Variants in PSMA7 observed in about 807,000 individuals in gnomAD.
The protein encoded by PSMA7 is proteasome subunit alpha type-7.
In PSMA7, 5 loss-of-function variants were observed where a neutral mutation model predicts 31.3. The ratio of observed to expected loss-of-function variants is 0.16; its 90% confidence interval spans 0.08 to 0.34. The LOEUF (loss-of-function observed/expected upper bound fraction) is 0.34. PSMA7 is among the 10% of genes least tolerant of loss of function. The pLI is 1.00. For synonymous variants in PSMA7, 155 were observed against 121.9 expected (o/e 1.27, Z -1.79); for missense variants, 217 against 327.5 (o/e 0.66, Z 2.60).
chr20:62,138,026 T>G (rs577910812), intron 5 of PSMA7, 145 bp downstream of exon 5: 2 of 1,106,368 alleles, frequency 1.8e-6, no homozygotes, highest in African/African-American at 3.1e-5. Flanking sequence ...GGATACACCA[T>G]AGACCAGAGC....
chr20:62,136,927 T>C lies in PSMA7; in HGVS notation c.677A>G (p.Glu226Gly). ...SLKILNPEEI[E>G]KYVAEIEKEK... ...TTTTTCAATTTCAGCAACATACTTC[T>C]CAATTTCTTCAGGATTTAAAATCTA... The change falls in exon 7 of 7, where the codon GAG (glutamate) becomes GGG (glycine). Residue 226 changes from glutamate (E) to glycine (G), a missense_variant. By Grantham distance (98) the Glu-to-Gly change is moderately conservative (BLOSUM62 -2). Around this residue, in one of 3 missense-constraint regions of PSMA7, gnomAD observed 88 missense variants for 111.6 expected, o/e 0.79. Coordinates refer to ENST00000370873, the MANE Select transcript of PSMA7 (RefSeq NM_002792.4). 1.9e-6 allele frequency: 3 copies of C among 1,601,370 alleles called. No individual in the cohort carries two copies. In the South Asian group the frequency reaches 3.4e-5, roughly 18 times the overall value.
intron 1 of PSMA7, 146 bp downstream of exon 1, chr20:62,143,062 C>G (rs1164402966): frequency 1.9e-5 from 5 of 267,574 alleles, no homozygotes; most frequent in Non-Finnish European, 2.9e-5. Flanking sequence ...GGGGCCCGCG[C>G]TCAGCTACAG....
intron 1 of PSMA7, among the ~76,000 whole-genome samples, chr20:62,141,635 C>G (rs562806505): frequency 6.6e-6 from 1 of 152,352 alleles, no homozygotes; most frequent in Non-Finnish European, 1.5e-5. Flanking sequence ...AAGCCTGAGA[C>G]TTTCACTCAA....
In PSMA7 at chr20:62,139,155, C is replaced by T. The variant is rs748394403; in HGVS notation, c.391G>A (p.Ala131Thr). The change falls in exon 4 of 7, where the codon GCC becomes ACC. Residue 131 changes from alanine to threonine, a missense_variant. Ala to Thr is a moderately conservative substitution (Grantham distance 58, BLOSUM62 0). Transcript: ENST00000370873. ...SNGRRPFGIS[A>T]LIVGFDFDGT... ...TCAAAGTCGAAACCCACGATGAGGG[C>T]AGAGATGCCAAACGGCCTGCGCCCA... 6.2e-7 allele frequency: 1 copy of T among 1,614,088 alleles called. No homozygotes were observed. The highest frequency in any genetic ancestry group is 1.3e-5 in the African/African-American group (1 of 74,946).
rs1443332352 is a variant in PSMA7 at position 62,139,215 on chromosome 20, A to G, written c.349-18T>C. 1 of 1,607,890 alleles carries G rather than the reference A, an allele frequency of 6.2e-7. No homozygotes were observed. Among genetic ancestry groups the G allele is most frequent in the Non-Finnish European group, 8.5e-7 (1 of 1,175,738 alleles). On this transcript the variant is annotated intron_variant, in intron 3 of 6. Coordinates refer to ENST00000370873, the MANE Select transcript of PSMA7 (RefSeq NM_002792.4). The stretch of plus-strand genomic sequence containing the variant: ...GTATAACGCTAGCAAGAAAAGAAAC[A>G]GGTCAGTGCCATCCAATTAAGAAAC...
intron 1 of PSMA7, among the ~76,000 whole-genome samples, chr20:62,141,357 G>A (rs893240798): frequency 2.4e-4 from 37 of 152,262 alleles, no homozygotes; most frequent in Admixed American, 1.4e-3. Flanking sequence ...TACGTACTCC[G>A]GGTAGCAGCT....
intron 5 of PSMA7, 43 bp from the exon 6 acceptor site, chr20:62,137,469 T>C: frequency 1.3e-6 from 2 of 1,594,424 alleles, no homozygotes; most frequent in South Asian, 1.1e-5. Flanking sequence ...CCTTTCCCTA[T>C]TCAAGACAAA....
chr20:62,140,000 C>G (rs1235839160), intron 2 of PSMA7, 95 bp from the exon 3 acceptor site: 2 of 1,451,358 alleles, frequency 1.4e-6, no homozygotes, highest in Non-Finnish European at 1.8e-6. Context: ...TTCCACAGAC[C>G]CCCCAAACCG....
intron 3 of PSMA7, 75 bp from the exon 4 acceptor site, chr20:62,139,272 G>A (rs2056913156): frequency 1.3e-6 from 2 of 1,544,704 alleles, no homozygotes; most frequent in East Asian, 4.5e-5. Context: ...ACTTAGTGAA[G>A]ATACGAACAT....
chr20:62,138,129 G>C (rs1012565366), intron 5 of PSMA7, 42 bp downstream of exon 5: 17 of 1,612,744 alleles, frequency 1.1e-5, no homozygotes, highest in Admixed American at 1.7e-5. Flanking sequence ...ACCAAAACGT[G>C]GTATCTTCAC....
In PSMA7 at chr20:62,136,799, C is replaced by T. The variant is rs1048530970; in HGVS notation, c.*58G>A. 1.3e-5 allele frequency: 20 copies of T among 1,555,736 alleles called. No individual in the cohort carries two copies. The highest frequency in any genetic ancestry group is 2.3e-5 in the East Asian group (1 of 44,038). ...AAATGGAATGGAAAGGCCTACACAT[C>T]GAGACTCATCCATGATTGATATGAA... On this transcript the variant is annotated 3_prime_UTR_variant, in exon 7 of 7. Transcript: ENST00000370873.
At position 62,137,344 on chromosome 20, in the gene PSMA7, C is replaced by T. The variant is rs1356167825; in HGVS notation, c.654+20G>A. On this transcript the variant is annotated intron_variant, in intron 6 of 6. Coordinates refer to ENST00000370873, the MANE Select transcript of PSMA7 (RefSeq NM_002792.4). ...GGAGAAAACTGACAGGTAAAGAAAG[C>T]AGACAAACTTGGTGATTACCTTGAG... The T allele has an allele frequency of 6.2e-7, 1 of 1,612,914 alleles. No homozygotes were observed. The highest frequency in any genetic ancestry group is 1.7e-4 in the Middle Eastern group (1 of 6,060).
At chr20:62,139,616 A>C (rs2145664566) in intron 3 of PSMA7, 165 bp downstream of exon 3, 1 of 1,111,646 alleles carries the variant, frequency 9.0e-7, no homozygotes. Flanking sequence ...TGTTACTGAA[A>C]TTGGTGAGCT....
intron 4 of PSMA7, among the ~76,000 whole-genome samples, chr20:62,138,717 G>A (rs1326420346): frequency 6.6e-6 from 1 of 151,942 alleles, no homozygotes; most frequent in Non-Finnish European, 1.5e-5. Context: ...ACCATGCCCA[G>A]CAAATTTTTT....
chr20:62,136,742 C>T lies in PSMA7; in HGVS notation c.*115G>A, dbSNP rs768035736. Reference sequence around the variant, plus strand: ...TAAAAAAAAAAACAGGTTAAAAATACGGAAGTTTATTGTAGGACACTCAGT... The same window carrying T: ...TAAAAAAAAAAACAGGTTAAAAATATGGAAGTTTATTGTAGGACACTCAGT... On this transcript the variant is annotated 3_prime_UTR_variant, in exon 7 of 7. Transcript: ENST00000370873. The T allele has an allele frequency of 1.2e-5, 17 of 1,380,762 alleles. No individual in the cohort carries two copies. Among genetic ancestry groups the T allele is most frequent in the Admixed American group, 2.7e-5 (1 of 36,854 alleles). The allele number at this position is 1,380,762 out of a possible 1,614,324, so 85.5% of individuals were successfully genotyped here. A position where few individuals can be genotyped will look rare whatever the true frequency, so the allele number is the denominator to read the frequency against.
At chr20:62,137,228 G>A (rs2057169) in intron 6 of PSMA7, 136 bp downstream of exon 6, 741,966 of 979,678 alleles carry the variant, frequency 0.76, 290,674 homozygotes, top group East Asian at 0.81. Context: ...GACGTATGGG[G>A]AGCCTCAGAA....
At chr20:62,139,693 C>T in intron 3 of PSMA7, 88 bp downstream of exon 3, 1 of 1,598,754 alleles carries the variant, frequency 6.3e-7, no homozygotes, top group Non-Finnish European at 8.6e-7. Flanking sequence ...TTTTCTGATT[C>T]ACCTGAAGTG....
intron 2 of PSMA7, among the ~76,000 whole-genome samples, chr20:62,140,463 T>G (rs760712163): frequency 6.6e-5 from 10 of 152,232 alleles, no homozygotes; most frequent in Non-Finnish European, 1.2e-4. Context: ...TTTTTACTGC[T>G]GGGGATGGCA....
intron 2 of PSMA7, 42 bp from the exon 3 acceptor site, chr20:62,139,947 A>G: frequency 6.2e-7 from 1 of 1,603,102 alleles, no homozygotes; most frequent in Non-Finnish European, 8.5e-7. Context: ...GAGACAGCAC[A>G]AACTACAGGG....
Sources: gnomAD v4.1 joint callset for allele counts (sites outside exome capture counted in the v4.1 genomes callset) on GRCh38, gnomAD v4.1.1 for gene constraint, gnomAD v4.1.1 regional missense constraint, MANE v1.5 for transcripts, NCBI Gene and HGNC (gene_info 2026-07-23, HGNC 2026-07-21) for gene names.